The following GARNL3 variants were observed in gnomAD, a reference collection of about 807,000 sequenced individuals.
GARNL3 encodes the protein GTPase-activating Rap/Ran-GAP domain-like protein 3.
In GARNL3, 63 loss-of-function variants were observed where a neutral mutation model predicts 125.0. The ratio of observed to expected loss-of-function variants is 0.50; its 90% CI spans 0.41 to 0.62. The LOEUF is 0.62. GARNL3 is among the 20% of genes least tolerant of loss of function. The probability of loss-of-function intolerance (pLI) is 0.00; values close to 1 mark genes in which losing one functional copy is unlikely to be tolerated. For synonymous variants in GARNL3, 439 were observed against 457.5 expected, an observed-to-expected ratio of 0.96 and a Z score of 0.52; for missense variants, 994 against 1,244.0, an observed-to-expected ratio of 0.80 and a Z score of 3.02.
intron 17 of GARNL3, among the ~76,000 whole-genome samples, chr9:127,350,022 G>C (rs908916982): frequency 1.3e-5 from 2 of 152,154 alleles, no homozygotes; most frequent in Non-Finnish European, 2.9e-5. Flanking sequence ...CCCACGCCAG[G>C]TGCCTTCTGA....
At chr9:127,377,902 A>G (rs1052073867) in intron 22 of GARNL3, among the ~76,000 whole-genome samples, 1 of 152,118 alleles carries the variant, frequency 6.6e-6, no homozygotes, top group Non-Finnish European at 1.5e-5. Flanking sequence ...TAAAAGAGAA[A>G]CAGCAAACTG....
chr9:127,375,095 C>G (rs755752191), intron 22 of GARNL3, among the ~76,000 whole-genome samples: 21 of 152,200 alleles, frequency 1.4e-4, no homozygotes, highest in Non-Finnish European at 2.5e-4. Flanking sequence ...CTTTGGAAAA[C>G]AGTTCTTCAA....
chr9:127,377,704 T>C (rs1368574519), intron 22 of GARNL3, among the ~76,000 whole-genome samples: 5 of 151,322 alleles, frequency 3.3e-5, no homozygotes, highest in Non-Finnish European at 7.4e-5. Context: ...GGGGAATCGC[T>C]TGAACTCAGT....
At chr9:127,243,674 A>G (rs1362423894) in intron 2 of GARNL3, among the ~76,000 whole-genome samples, 1 of 152,224 alleles carries the variant, frequency 6.6e-6, no homozygotes, top group African/African-American at 2.4e-5. Flanking sequence ...CATTTTACCT[A>G]CCTTTTGAAT....
rs1830020896 is a variant in GARNL3, at chr9:127,344,292, C to CA, written c.1309_1310insA (p.Arg437GlnfsTer13). On this transcript the variant is annotated frameshift_variant, in exon 15 of 28. Coordinates refer to ENST00000373387, the MANE Select transcript of GARNL3 (RefSeq NM_032293.5). LOFTEE classifies it high-confidence loss of function. ...CTTACCAGAGTCACCCAAGTCAGCG[C>CA]GGAAGAAAGAGGAGGCCCGCCAGGC... 1 of 1,613,896 alleles carries CA rather than the reference C, an allele frequency of 6.2e-7. No homozygotes were observed. Among genetic ancestry groups the CA allele is most frequent in the Admixed American group, 1.7e-5 (1 of 60,002 alleles).
chr9:127,335,154 C>A, intron 9 of GARNL3, 76 bp from the exon 10 acceptor site: 1 of 981,474 alleles, frequency 1.0e-6, no homozygotes, highest in South Asian at 1.3e-5. Flanking sequence ...CAGTATTTCC[C>A]TAGTCTGCAA....
rs1337066746 is a variant in GARNL3 at position 127,242,357 on chromosome 9, A to C, written c.-28-722A>C. 6.6e-6 allele frequency among the ~76,000 whole-genome samples: 1 copy of C among 152,142 alleles called. No homozygotes were observed. The highest frequency in any genetic ancestry group is 1.5e-5 in the Non-Finnish European group (1 of 68,028). ...TAGAGGTGAGTGAAGAGCCCTGCTAATTGGCTCAGAAAATAATTCCAGTCA... is the reference window on the plus strand; with the variant it reads ...TAGAGGTGAGTGAAGAGCCCTGCTACTTGGCTCAGAAAATAATTCCAGTCA... On this transcript the variant is annotated intron_variant, in intron 1 of 10. Coordinates refer to the GARNL3 transcript ENST00000439286. The surrounding 1 kb of genome is among the most constrained non-coding windows in gnomAD (Gnocchi z 4.6).
Position 127,393,377 on chromosome 9 carries a change from C to A in GARNL3, c.*123C>A, listed in dbSNP as rs566676790. 16 of 794,938 alleles carry A rather than the reference C, an allele frequency of 2.0e-5. No homozygotes were observed. The highest frequency in any genetic ancestry group is 3.1e-5 in the Non-Finnish European group (16 of 509,858). 49.2% of individuals were successfully genotyped at this position (794,938 alleles called of 1,614,324 possible). A position where few individuals can be genotyped will look rare whatever the true frequency, so the allele number is the denominator to read the frequency against. The stretch of plus-strand genomic sequence containing the variant: ...CCTGTCAGTGATCTATTGGACCAAA[C>A]CTTCTGCACACTCGGCCAGTTCCCT... On this transcript the variant is annotated 3_prime_UTR_variant, in exon 28 of 28. Transcript: ENST00000373387.
chr9:127,342,905 T>C (rs2131613116), intron 14 of GARNL3, among the ~76,000 whole-genome samples: 1 of 148,212 alleles, frequency 6.7e-6, no homozygotes, highest in East Asian at 2.0e-4. Context: ...TTTTTTTTTT[T>C]TTTTTTTTGG....
At chr9:127,320,832 A>T (rs1265887765) in intron 6 of GARNL3, 54 bp downstream of exon 6, 7 of 1,198,394 alleles carry the variant, frequency 5.8e-6, no homozygotes, top group Non-Finnish European at 8.7e-6. Flanking sequence ...CAGTGTTAGG[A>T]TAGAACTGAC....
Position 127,264,840 on chromosome 9 carries a change from G to A in GARNL3, c.-38G>A, listed in dbSNP as rs774822608. On this transcript the variant is annotated 5_prime_UTR_variant, in exon 1 of 28. Coordinates refer to ENST00000373387, the MANE Select transcript of GARNL3 (RefSeq NM_032293.5). ...AGGCTCCCCTGCAGTGAGGAGCCGG[G>A]GCACTGCAAGTCTGTTCCATAGCAG... 3 of 1,498,520 alleles carry A rather than the reference G, an allele frequency of 2.0e-6. No individual in the cohort carries two copies. The highest frequency in any genetic ancestry group is 2.7e-6 in the Non-Finnish European group (3 of 1,112,468). 92.8% of individuals were successfully genotyped at this position (1,498,520 alleles called of 1,614,324 possible). A position where few individuals can be genotyped will look rare whatever the true frequency, so the allele number is the denominator to read the frequency against.
At chr9:127,383,924 T>A (rs1045739537) in intron 23 of GARNL3, among the ~76,000 whole-genome samples, 1 of 152,206 alleles carries the variant, frequency 6.6e-6, no homozygotes, top group Admixed American at 6.5e-5. Flanking sequence ...AGAAGCACAG[T>A]GCTTTCAGGG....
intron 9 of GARNL3, among the ~76,000 whole-genome samples, chr9:127,333,782 G>GC (rs1215763242): frequency 2.0e-5 from 3 of 152,188 alleles, no homozygotes; most frequent in African/African-American, 7.2e-5. Flanking sequence ...ATGCAATGTG[G>GC]CCTGGAGTAG....
At chr9:127,267,250 T>C (rs2063724541) in intron 1 of GARNL3, among the ~76,000 whole-genome samples, 2 of 152,192 alleles carry the variant, frequency 1.3e-5, no homozygotes, top group Non-Finnish European at 2.9e-5. Flanking sequence ...TAGTTGACTT[T>C]TTAGAATATT....
At chr9:127,330,720 G>T (rs6478766) in intron 7 of GARNL3, among the ~76,000 whole-genome samples, 228 of 152,096 alleles carry the variant, frequency 1.5e-3, no homozygotes, top group African/African-American at 5.4e-3. Context: ...GATCAGGAAA[G>T]GCCACTCTGG....
chr9:127,377,584 C>T (rs1458737567), intron 22 of GARNL3, among the ~76,000 whole-genome samples: 4 of 151,722 alleles, frequency 2.6e-5, no homozygotes, highest in African/African-American at 9.7e-5. Context: ...GTCAGGAGTT[C>T]GAGACCAGAC....
intron 1 of GARNL3, among the ~76,000 whole-genome samples, chr9:127,282,892 A>G (rs1389346750): frequency 6.6e-6 from 1 of 152,216 alleles, no homozygotes; most frequent in Admixed American, 6.5e-5. Flanking sequence ...TCATTTAATA[A>G]TTGCCTACAA....
intron 2 of GARNL3, among the ~76,000 whole-genome samples, chr9:127,253,036 C>T (rs2063433646): frequency 6.6e-6 from 1 of 152,150 alleles, no homozygotes; most frequent in Non-Finnish European, 1.5e-5. Flanking sequence ...TTGAGATGAA[C>T]CTGAGGCAAC....
chr9:127,304,729 G>A (rs2064900770), intron 2 of GARNL3, among the ~76,000 whole-genome samples: 1 of 151,864 alleles, frequency 6.6e-6, no homozygotes, highest in Non-Finnish European at 1.5e-5. Flanking sequence ...TAGAGACAGG[G>A]TTTAGCTTTG....
Sources: gnomAD v4.1 joint callset for allele counts (sites outside exome capture counted in the v4.1 genomes callset) on GRCh38, gnomAD v4.1.1 for gene constraint, Gnocchi (gnomAD v3.1) non-coding constraint, MANE v1.5 for transcripts, NCBI Gene and HGNC (gene_info 2026-07-23, HGNC 2026-07-21) for gene names.